OTULIN: variants seen among roughly 807,000 people sequenced by gnomAD.
The protein encoded by OTULIN is ubiquitin thioesterase otulin.
A neutral mutation model predicts 39.6 loss-of-function variants in OTULIN; 15 were observed. That is an observed-to-expected ratio of 0.38 (90% CI 0.25 to 0.58). The LOEUF (loss-of-function observed/expected upper bound fraction) is 0.58. OTULIN is among the 20% of genes least tolerant of loss of function. The pLI is 0.66. For synonymous variants in OTULIN, 156 were observed against 170.3 expected, an observed-to-expected ratio of 0.92 and a Z score of 0.65; for missense variants, 319 against 445.9, an observed-to-expected ratio of 0.72 and a Z score of 2.56.
chr5:14,702,109 GGA>G (rs914890490), downstream of OTULIN, among the ~76,000 whole-genome samples: 5 of 152,228 alleles, frequency 3.3e-5, no homozygotes, highest in African/African-American at 1.2e-4. Context: ...AAGAGGAAAA[GGA>G]GAGAGTGGGA....
At chr5:14,679,519 A>C (rs775392851) in intron 3 of OTULIN, among the ~76,000 whole-genome samples, 70 of 152,142 alleles carry the variant, frequency 4.6e-4, no homozygotes, top group Non-Finnish European at 7.5e-4. Flanking sequence ...TCTTTTGCTC[A>C]TTTTTCTCTT....
chr5:14,704,054 G>A (rs199565428), downstream of OTULIN, among the ~76,000 whole-genome samples: 18 of 152,216 alleles, frequency 1.2e-4, no homozygotes, highest in African/African-American at 7.2e-5. Context: ...GATGCTGGCC[G>A]GGCGTGGTGG....
Position 14,694,524 on chromosome 5 carries a change from T to C in OTULIN, c.*1476T>C, listed in dbSNP as rs1446449935. ...AAAATCCTTATTTGGTCCAATTTAA[T>C]ATAGTTTAGAAGCTATTTTTTTTGA... On this transcript the variant is annotated 3_prime_UTR_variant, in exon 7 of 7. Transcript: ENST00000284274. 1 of 152,226 alleles carries C rather than the reference T, an allele frequency of 6.6e-6. No homozygotes were observed. The highest frequency in any genetic ancestry group is 1.9e-4 in the East Asian group (1 of 5,200). The allele number at this position is 152,226 out of a possible 1,614,324, so 9.4% of individuals were successfully genotyped here. A position where few individuals can be genotyped will look rare whatever the true frequency, so the allele number is the denominator to read the frequency against.
the OTULIN span, among the ~76,000 whole-genome samples, chr5:14,715,122 T>C: frequency 6.6e-6 from 1 of 152,240 alleles, no homozygotes. Flanking sequence ...TGGGGCTCCA[T>C]GGCTCCTTTC....
At chr5:14,712,871 C>G in the OTULIN span, 1 of 1,605,784 alleles carries the variant, frequency 6.2e-7, no homozygotes, top group South Asian at 1.1e-5. Flanking sequence ...GCGGCTGTCT[C>G]ACCTGCTTCC....
At chr5:14,674,521 C>T (rs540196965) in intron 2 of OTULIN, among the ~76,000 whole-genome samples, 28 of 152,258 alleles carry the variant, frequency 1.8e-4, no homozygotes, top group South Asian at 2.1e-4. Context: ...TTGGGGAGGC[C>T]GAGGCGGGCG....
At position 14,693,984 on chromosome 5, in the gene OTULIN, G is replaced by A. The variant is rs929928242; in HGVS notation, c.*936G>A. On this transcript the variant is annotated 3_prime_UTR_variant, in exon 7 of 7. Transcript: ENST00000284274. ...ATAGCCAAACAGTTTGTATCCACCT[G>A]CTTTCAGAGGAGGAACCAAAGGCCA... The A allele has an allele frequency of 6.6e-6, 1 of 152,216 alleles. No homozygotes were observed. The highest frequency in any genetic ancestry group is 1.5e-5 in the Non-Finnish European group (1 of 68,054). 9.4% of individuals were successfully genotyped at this position (152,216 alleles called of 1,614,324 possible).
At position 14,699,595 on chromosome 5, in the gene OTULIN, T is replaced by C. The variant is rs1390833219; in HGVS notation, c.*6547T>C. 4.6e-5 allele frequency: 7 copies of C among 152,230 alleles called. No individual in the cohort carries two copies. The highest frequency in any genetic ancestry group is 7.3e-5 in the Non-Finnish European group (5 of 68,058). The allele number at this position is 152,230 out of a possible 1,614,324, so 9.4% of individuals were successfully genotyped here. A position where few individuals can be genotyped will look rare whatever the true frequency, so the allele number is the denominator to read the frequency against. ...TGCTCAACTCTGTGGACAGTGTTTC[T>C]TGAATTTCCTTTTCCACCGCCTTTT... is the stretch of plus-strand genomic sequence containing the variant. On this transcript the variant is annotated 3_prime_UTR_variant, in exon 7 of 7. Transcript: ENST00000284274.
intron 1 of OTULIN, among the ~76,000 whole-genome samples, chr5:14,665,254 T>G (rs562222903): frequency 6.6e-6 from 1 of 152,326 alleles, no homozygotes; most frequent in East Asian, 1.9e-4. Context: ...TTCCAGAAAC[T>G]TGGGAAGCAA....
chr5:14,699,219 G>C lies in OTULIN; in HGVS notation c.*6171G>C, dbSNP rs1292830127. ...ACTTCAACAAATTGCTTATGAATCA[G>C]GCTCTCAATGGAAGAAGTTAATCCT... On this transcript the variant is annotated 3_prime_UTR_variant, in exon 7 of 7. Transcript: ENST00000284274. 6.6e-6 allele frequency: 1 copy of C among 152,232 alleles called. No individual in the cohort carries two copies. Among genetic ancestry groups the C allele is most frequent in the Non-Finnish European group, 1.5e-5 (1 of 68,064 alleles). The allele number at this position is 152,232 out of a possible 1,614,324, so 9.4% of individuals were successfully genotyped here.
At chr5:14,672,748 A>T (rs959814583) in intron 1 of OTULIN, among the ~76,000 whole-genome samples, 8 of 152,206 alleles carry the variant, frequency 5.3e-5, no homozygotes, top group Middle Eastern at 3.4e-3. Context: ...CCTGCCACGG[A>T]TGCCCATCTC....
At chr5:14,676,439 A>G (rs1225962529) in intron 2 of OTULIN, among the ~76,000 whole-genome samples, 1 of 152,226 alleles carries the variant, frequency 6.6e-6, no homozygotes, top group Non-Finnish European at 1.5e-5. Context: ...TCAGAGGACC[A>G]CAGCAGAATG....
Position 14,693,160 on chromosome 5 carries a change from G to T in OTULIN, c.*112G>T. 1 of 1,084,666 alleles carries T rather than the reference G, an allele frequency of 9.2e-7. No homozygotes were observed. Among genetic ancestry groups the T allele is most frequent in the South Asian group, 1.7e-5 (1 of 58,660 alleles). 67.2% of individuals were successfully genotyped at this position (1,084,666 alleles called of 1,614,324 possible). On this transcript the variant is annotated 3_prime_UTR_variant, in exon 7 of 7. Coordinates refer to ENST00000284274, the MANE Select transcript of OTULIN (RefSeq NM_138348.6). ...GAACAATCTCTGAGAAGAACCCTTG[G>T]GCCCCTGGGAGCCAAGTTGGACAGG...
Position 14,693,097 on chromosome 5 carries a change from G to A in OTULIN, c.*49G>A. On this transcript the variant is annotated 3_prime_UTR_variant, in exon 7 of 7. Transcript: ENST00000284274. The stretch of plus-strand genomic sequence containing the variant: ...GGCGACGTGGCGAAGATGCACAGGT[G>A]GCTCCTGGGCTTGGGCTGCAGGTTT... The A allele has an allele frequency of 6.6e-7, 1 of 1,523,904 alleles. No individual in the cohort carries two copies. Among genetic ancestry groups the A allele is most frequent in the South Asian group, 1.2e-5 (1 of 82,096 alleles). The allele number at this position is 1,523,904 out of a possible 1,614,324, so 94.4% of individuals were successfully genotyped here. A position where few individuals can be genotyped will look rare whatever the true frequency, so the allele number is the denominator to read the frequency against.
In OTULIN at chr5:14,690,844, C is replaced by T. The variant is rs186292538; in HGVS notation, c.864+536C>T. On this transcript the variant is annotated intron_variant, in intron 6 of 6. Coordinates refer to ENST00000284274, the MANE Select transcript of OTULIN (RefSeq NM_138348.6). The surrounding 1 kb of genome is among the most constrained non-coding windows in gnomAD (Gnocchi z 4.5). The stretch of plus-strand genomic sequence containing the variant: ...TGTGGACATACTTTACAGTCACCAC[C>T]GTTATCTCAGCCTGGGCTTTATTCT... Among the ~76,000 whole-genome samples the T allele has an allele frequency of 7.2e-5, 11 of 152,272 alleles. No individual in the cohort carries two copies. Among genetic ancestry groups the T allele is most frequent in the African/African-American group, 1.4e-4 (6 of 41,562 alleles).
Position 14,678,685 on chromosome 5 carries a change from G to C in OTULIN, c.234G>C (p.Pro78=), listed in dbSNP as rs780162806. The C allele has an allele frequency of 6.4e-7, 1 of 1,568,506 alleles. No homozygotes were observed. The highest frequency in any genetic ancestry group is 8.6e-7 in the Non-Finnish European group (1 of 1,161,716). Residue 78 remains proline, a synonymous_variant, in exon 3 of 7, where the codon CCG becomes CCC. Coordinates refer to ENST00000284274, the MANE Select transcript of OTULIN (RefSeq NM_138348.6). ...TTTTTTTAAATTCTTTAACAGAACC[G>C]AGATTAAGCGTAGCTCCTGAAATGG... ...LLIHERGASE[P]RLSVAPEMDI...
chr5:14,713,698 G>T, the OTULIN span: 1 of 1,612,212 alleles, frequency 6.2e-7, no homozygotes, highest in Non-Finnish European at 8.5e-7. This position sits in a 1 kb window ranked among gnomAD's most constrained non-coding sequence, Gnocchi z 4.4. Flanking sequence ...CTCGTCAGCC[G>T]TGCCCGCCAT....
rs182005179 is a variant in OTULIN, at chr5:14,671,649, C to A, written c.153-1993C>A. On this transcript the variant is annotated intron_variant, in intron 1 of 6. Coordinates refer to ENST00000284274, the MANE Select transcript of OTULIN (RefSeq NM_138348.6). ...CTGGCATGGGCTCTAAGGATGACAT[C>A]ACACTTTTTACTTGAAATCTCACTG... 2.6e-4 allele frequency among the ~76,000 whole-genome samples: 40 copies of A among 152,268 alleles called. No individual in the cohort carries two copies. In the Middle Eastern group the frequency reaches 0.014, roughly 52 times the overall value.
At chr5:14,667,534 A>C (rs1452450947) in intron 1 of OTULIN, among the ~76,000 whole-genome samples, 1 of 152,086 alleles carries the variant, frequency 6.6e-6, no homozygotes, top group East Asian at 1.9e-4. Flanking sequence ...CACCATACCC[A>C]GCTAATTTTT....
Sources: gnomAD v4.1 joint callset for allele counts (sites outside exome capture counted in the v4.1 genomes callset) on GRCh38, gnomAD v4.1.1 for gene constraint, Gnocchi (gnomAD v3.1) non-coding constraint, MANE v1.5 for transcripts, NCBI Gene and HGNC (gene_info 2026-07-23, HGNC 2026-07-21) for gene names.